Variants in CDC42BPA observed in about 807,000 individuals in gnomAD.
CDC42BPA encodes CDC42 binding protein kinase alpha.
Under a neutral mutation model 223.5 loss-of-function variants are expected in CDC42BPA, and 80 were observed. The observed-to-expected ratio is 0.36, with a 90% CI of 0.30 to 0.43. The LOEUF (loss-of-function observed/expected upper bound fraction) is 0.43. CDC42BPA is among the 20% of genes least tolerant of loss of function. CDC42BPA has a pLI of 1.00. For missense variants in CDC42BPA, 1,743 were observed against 2,099.9 expected, an observed-to-expected ratio of 0.83 and a Z score of 3.32; for synonymous variants, 694 against 718.6, an observed-to-expected ratio of 0.97 and a Z score of 0.55.
intron 15 of CDC42BPA, among the ~76,000 whole-genome samples, chr1:227,098,986 T>C (rs1684502941): frequency 6.6e-6 from 1 of 152,018 alleles, no homozygotes; most frequent in South Asian, 2.1e-4. Flanking sequence ...ATTATAATCT[T>C]ATGGGAACAC....
Position 227,029,099 on chromosome 1 carries a change from C to T in CDC42BPA, c.3990G>A (p.Leu1330=). The part of the protein sequence containing the change: ...LDGRETDFYK[L]SETKGCQTVT... ...CGGTTTGACACCCTTTAGTTTCTGA[C>T]AGCTTGTAAAAATCGGTCTCTCGCC... The change falls in exon 30 of 37, where the codon CTG becomes CTA. Residue 1330 remains leucine (L), a synonymous_variant. Coordinates refer to ENST00000366766, the MANE Select transcript of CDC42BPA (RefSeq NM_001394014.1). 6.2e-7 allele frequency: 1 copy of T among 1,613,572 alleles called. No homozygotes were observed. Among genetic ancestry groups the T allele is most frequent in the Non-Finnish European group, 8.5e-7 (1 of 1,180,020 alleles).
intron 5 of CDC42BPA, among the ~76,000 whole-genome samples, chr1:227,171,772 T>C (rs1666153154): frequency 6.6e-6 from 1 of 152,162 alleles, no homozygotes; most frequent in African/African-American, 2.4e-5. Flanking sequence ...TTAGTTAATC[T>C]ATATAGTTTC....
chr1:227,022,466 A>G (rs750917909), intron 32 of CDC42BPA, among the ~76,000 whole-genome samples: 4 of 152,204 alleles, frequency 2.6e-5, no homozygotes, highest in Non-Finnish European at 5.9e-5. Flanking sequence ...TACATAATGT[A>G]CTGTAAATAC....
rs1017782031 is a variant in CDC42BPA, at chr1:227,157,643, T to C, written c.693+2900A>G. Among the ~76,000 whole-genome samples the C allele has an allele frequency of 9.2e-5, 14 of 152,126 alleles. 1 individual carries two copies. The highest frequency in any genetic ancestry group is 7.9e-4 in the Admixed American group (12 of 15,276). The stretch of plus-strand genomic sequence containing the variant: ...ATCACATTTGGGAAGGTTGAGCCAT[T>C]ACGTACACATTTTTTTTTCCCCACA... On this transcript the variant is annotated intron_variant, in intron 6 of 36. Coordinates refer to ENST00000366766, the MANE Select transcript of CDC42BPA (RefSeq NM_001394014.1).
intron 1 of CDC42BPA, among the ~76,000 whole-genome samples, chr1:227,308,663 T>TA (rs1011630228): frequency 3.1e-4 from 47 of 152,182 alleles, no homozygotes; most frequent in Non-Finnish European, 5.9e-5. Flanking sequence ...ATAGGGAGGT[T>TA]AAATAACTAA....
At chr1:227,244,209 A>C (rs1233719441) in intron 2 of CDC42BPA, among the ~76,000 whole-genome samples, 1 of 152,206 alleles carries the variant, frequency 6.6e-6, no homozygotes, top group Non-Finnish European at 1.5e-5. Flanking sequence ...TAGCTCCCAA[A>C]AGATATGCAC....
chr1:227,137,176 T>C (rs915214711), intron 10 of CDC42BPA, among the ~76,000 whole-genome samples: 4 of 151,974 alleles, frequency 2.6e-5, no homozygotes, highest in East Asian at 1.9e-4. Flanking sequence ...AAAAGATATA[T>C]AAAGACCTAA....
chr1:227,165,086 T>C (rs1453586812), intron 5 of CDC42BPA, among the ~76,000 whole-genome samples: 1 of 152,180 alleles, frequency 6.6e-6, no homozygotes, highest in Non-Finnish European at 1.5e-5. Context: ...CTATGCACTA[T>C]AGGAGTACAT....
intron 1 of CDC42BPA, among the ~76,000 whole-genome samples, chr1:227,272,805 A>T (rs909772428): frequency 1.3e-5 from 2 of 151,206 alleles, no homozygotes; most frequent in South Asian, 4.2e-4. Flanking sequence ...CAGAATAATT[A>T]TTTTTTTAAT....
intron 4 of CDC42BPA, among the ~76,000 whole-genome samples, chr1:227,196,716 A>G (rs902147223): frequency 2.0e-5 from 3 of 152,246 alleles, no homozygotes; most frequent in African/African-American, 7.2e-5. Context: ...TAAAGAATTT[A>G]GAGTTCATAT....
intron 1 of CDC42BPA, among the ~76,000 whole-genome samples, chr1:227,276,654 GGAAA>G (rs1429866088): frequency 2.6e-5 from 4 of 152,224 alleles, no homozygotes; most frequent in African/African-American, 9.6e-5. Flanking sequence ...TGTGGGGAAA[GGAAA>G]GAGAGATCAG....
chr1:227,032,080 T>C (rs1558329560), intron 27 of CDC42BPA, among the ~76,000 whole-genome samples: 1 of 152,214 alleles, frequency 6.6e-6, no homozygotes, highest in East Asian at 1.9e-4. Context: ...CAGAAATATA[T>C]TCTCTGTTAC....
intron 5 of CDC42BPA, among the ~76,000 whole-genome samples, chr1:227,164,716 G>GCA (rs76300764): frequency 1.3e-5 from 2 of 151,716 alleles, no homozygotes; most frequent in South Asian, 4.1e-4. Context: ...ACACACAAAC[G>GCA]CACACACACA....
intron 31 of CDC42BPA, among the ~76,000 whole-genome samples, chr1:227,025,005 G>A (rs2148597846): frequency 6.6e-6 from 1 of 152,296 alleles, no homozygotes; most frequent in East Asian, 1.9e-4. Flanking sequence ...CACCGTGGGA[G>A]GCCGAGGCGG....
intron 6 of CDC42BPA, among the ~76,000 whole-genome samples, chr1:227,157,325 T>C (rs1572033775): frequency 6.6e-6 from 1 of 152,206 alleles, no homozygotes; most frequent in East Asian, 1.9e-4. Flanking sequence ...TCATCTTCCA[T>C]TTATCTGAAG....
intron 10 of CDC42BPA, among the ~76,000 whole-genome samples, chr1:227,139,029 T>TAA (rs1317170182): frequency 2.0e-5 from 3 of 152,152 alleles, no homozygotes; most frequent in Non-Finnish European, 4.4e-5. Flanking sequence ...AAACTGCGAT[T>TAA]AAAGAAGAGT....
intron 6 of CDC42BPA, among the ~76,000 whole-genome samples, chr1:227,155,694 C>T (rs1662618814): frequency 6.6e-6 from 1 of 152,062 alleles, no homozygotes; most frequent in African/African-American, 2.4e-5. Flanking sequence ...TTAAGCAGAG[C>T]AAAGTGGTCA....
At chr1:227,306,232 T>G (rs936132514) in intron 1 of CDC42BPA, among the ~76,000 whole-genome samples, 3 of 151,896 alleles carry the variant, frequency 2.0e-5, no homozygotes, top group African/African-American at 7.3e-5. Flanking sequence ...ATAAGGAAGT[T>G]GTTATTGCTT....
chr1:227,147,104 A>G (rs112289139), intron 7 of CDC42BPA, among the ~76,000 whole-genome samples: 1 of 152,096 alleles, frequency 6.6e-6, no homozygotes, highest in African/African-American at 2.4e-5. Context: ...TAAATTCTCT[A>G]CTTACGACCT....
Sources: gnomAD v4.1 joint callset for allele counts (sites outside exome capture counted in the v4.1 genomes callset) on GRCh38, gnomAD v4.1.1 for gene constraint, MANE v1.5 for transcripts, NCBI Gene and HGNC (gene_info 2026-07-23, HGNC 2026-07-21) for gene names.